Variants in ADSL observed in about 807,000 individuals in gnomAD.
ADSL encodes the protein adenylosuccinase.
ADSL carries 44 observed loss-of-function variants against 62.1 expected under a neutral mutation model. That is an observed-to-expected ratio of 0.71 (90% CI 0.56 to 0.91). The LOEUF (loss-of-function observed/expected upper bound fraction) is 0.91, where lower values mean the gene tolerates loss of function less well. Among genes scored for constraint, ADSL ranks in the 40% least tolerant of loss-of-function variants. ADSL has a pLI of 0.00. For missense variants in ADSL, 531 were observed against 627.4 expected (o/e 0.85, Z 1.64); for synonymous variants, 198 against 220.5 (o/e 0.90, Z 0.90).
chr22:40,356,032 CAAAAAAA>C (rs1212379585), intron 4 of ADSL, among the ~76,000 whole-genome samples: 8 of 55,336 alleles, frequency 1.4e-4, no homozygotes, highest in African/African-American at 2.5e-4. Context: ...ACTAAAAATA[CAAAAAAA>C]AAAAAAAAAA....
At chr22:40,362,869 T>A in intron 9 of ADSL, 112 bp from the exon 10 acceptor site, 1 of 1,019,542 alleles carries the variant, frequency 9.8e-7, no homozygotes, top group Non-Finnish European at 1.5e-6. Flanking sequence ...ATCATAAGAT[T>A]GAAGGAGATT....
rs376912453 is a variant in ADSL, at chr22:40,361,336, C to G, written c.856C>G (p.Gln286Glu). ...KEMEEPFEKQ[Q>E]IGSSAMPYKR... Reference sequence around the variant, plus strand: ...GATGGAGGAACCCTTTGAAAAACAGCAGATTGGTGAGTGCTGTGTAGAGAC... The same window carrying G: ...GATGGAGGAACCCTTTGAAAAACAGGAGATTGGTGAGTGCTGTGTAGAGAC... The change falls in exon 8 of 13, where the codon CAG (glutamine) becomes GAG (glutamate). Residue 286 changes from glutamine to glutamate, a missense_variant. Gln to Glu is a conservative substitution (Grantham distance 29, BLOSUM62 2). Transcript: ENST00000623063. 8.1e-6 allele frequency: 13 copies of G among 1,614,048 alleles called. No individual in the cohort carries two copies. Among genetic ancestry groups the G allele is most frequent in the African/African-American group, 8.0e-5 (6 of 74,940 alleles).
chr22:40,371,268 A>T (rs527665949), downstream of ADSL, among the ~76,000 whole-genome samples: 1 of 152,320 alleles, frequency 6.6e-6, no homozygotes, highest in South Asian at 2.1e-4. Context: ...AATTATTCTC[A>T]TACTTAGTTT....
At chr22:40,374,109 T>C (rs911976893), downstream of ADSL, among the ~76,000 whole-genome samples, 9 of 151,920 alleles carry the variant, frequency 5.9e-5, no homozygotes, top group African/African-American at 2.2e-4. Flanking sequence ...CCTGCCACCA[T>C]GCCCGGCTAA....
At chr22:40,354,138 A>G (rs2044459004) in intron 3 of ADSL, 110 bp from the exon 4 acceptor site, 1 of 994,420 alleles carries the variant, frequency 1.0e-6, no homozygotes, top group African/African-American at 1.6e-5. Flanking sequence ...GCTGCCTTTC[A>G]TGAGTTAGCG....
At position 40,346,589 on chromosome 22, in the gene ADSL, G is replaced by C. The variant is rs761759515; in HGVS notation, c.31G>C (p.Asp11His). 3.1e-6 allele frequency: 5 copies of C among 1,606,264 alleles called. No homozygotes were observed. The highest frequency in any genetic ancestry group is 4.2e-6 in the Non-Finnish European group (5 of 1,177,118). The change falls in exon 1 of 13, where the codon GAC becomes CAC. Residue 11 changes from aspartate (D) to histidine (H), a missense_variant. Physicochemically the swap from Asp to His is moderately conservative, Grantham distance 81. Around this residue, in one of 2 missense-constraint regions of ADSL, gnomAD observed 60 missense variants for 34.5 expected, o/e 1.74. Transcript: ENST00000623063. ...GGCTGGAGGCGATCATGGTTCGCCC[G>C]ACAGCTACCGCTCACCTCTTGCCTC... MAAGGDHGSP[D>H]SYRSPLASRY...
At chr22:40,374,601 G>T (rs896802139) in intron 2 of ADSL, among the ~76,000 whole-genome samples, 1 of 152,238 alleles carries the variant, frequency 6.6e-6, no homozygotes, top group Non-Finnish European at 1.5e-5. Context: ...TGTTGAATGG[G>T]GCCCAGTACG....
intron 2 of ADSL, among the ~76,000 whole-genome samples, chr22:40,386,729 T>C (rs1713978548): frequency 1.3e-5 from 2 of 151,998 alleles, no homozygotes; most frequent in African/African-American, 4.8e-5. Flanking sequence ...GCCCCTAGTT[T>C]CTTTTTTCAA....
intron 2 of ADSL, chr22:40,350,349 A>C: frequency 9.5e-6 from 3 of 316,444 alleles, no homozygotes; most frequent in South Asian, 8.7e-5. Context: ...GATGGTCTCT[A>C]TCTCCTGACC....
chr22:40,373,328 C>T (rs1390316540), downstream of ADSL: 1 of 152,210 alleles, frequency 6.6e-6, no homozygotes, highest in Non-Finnish European at 1.5e-5. Context: ...TACCATTTCT[C>T]CTGCTTTTCC....
At chr22:40,350,774 A>C (rs755608354) in intron 2 of ADSL, among the ~76,000 whole-genome samples, 2 of 151,814 alleles carry the variant, frequency 1.3e-5, no homozygotes, top group Non-Finnish European at 2.9e-5. Context: ...GCCTGCCACC[A>C]CGCCGCCTGG....
intron 4 of ADSL, among the ~76,000 whole-genome samples, chr22:40,356,497 T>G (rs1340733088): frequency 6.9e-6 from 1 of 145,600 alleles, no homozygotes; most frequent in African/African-American, 2.6e-5. Context: ...ATCGCGCCGC[T>G]GCACTCCAGC....
chr22:40,366,352 G>C, intron 12 of ADSL, 84 bp from the exon 13 acceptor site: 1 of 992,592 alleles, frequency 1.0e-6, no homozygotes, highest in Admixed American at 1.8e-5. Flanking sequence ...TTAGGTTTCA[G>C]TGGTATCCCC....
chr22:40,384,465 A>G (rs1219267473), intron 2 of ADSL, among the ~76,000 whole-genome samples: 1 of 152,194 alleles, frequency 6.6e-6, no homozygotes, highest in Non-Finnish European at 1.5e-5. Flanking sequence ...TAAATAAACA[A>G]AAATTAAAAA....
At chr22:40,346,750 CG>C in intron 1 of ADSL, 39 bp downstream of exon 1, 3 of 1,563,008 alleles carry the variant, frequency 1.9e-6, no homozygotes, top group Non-Finnish European at 2.6e-6. Context: ...CCGGGAGGGA[CG>C]GGCCCGCCCC....
At chr22:40,378,711 C>T (rs556875742) in intron 2 of ADSL, among the ~76,000 whole-genome samples, 3 of 151,596 alleles carry the variant, frequency 2.0e-5, no homozygotes, top group Middle Eastern at 3.4e-3. Context: ...GGTGACAGAG[C>T]GAGACTCTGT....
At chr22:40,359,533 C>T (rs908387604) in intron 6 of ADSL, among the ~76,000 whole-genome samples, 22 of 30,992 alleles carry the variant, frequency 7.1e-4, no homozygotes, top group Non-Finnish European at 1.2e-3. Flanking sequence ...TTCTGGATTT[C>T]ATTTTATTTT....
chr22:40,379,161 G>A (rs934877536), intron 2 of ADSL, among the ~76,000 whole-genome samples: 6 of 152,114 alleles, frequency 3.9e-5, no homozygotes, highest in Non-Finnish European at 5.9e-5. Context: ...TAGAATGCTG[G>A]GACTTTCAAA....
chr22:40,348,310 C>G (rs746212582), intron 1 of ADSL: 57 of 397,302 alleles, frequency 1.4e-4, no homozygotes, highest in Middle Eastern at 6.2e-4. Context: ...AGGTTCCAGG[C>G]AGTTCTGCCA....
Sources: gnomAD v4.1 joint callset for allele counts (sites outside exome capture counted in the v4.1 genomes callset) on GRCh38, gnomAD v4.1.1 for gene constraint, gnomAD v4.1.1 regional missense constraint, MANE v1.5 for transcripts, NCBI Gene and HGNC (gene_info 2026-07-23, HGNC 2026-07-21) for gene names.